The following MICAL2 variants were observed in gnomAD, a reference collection of about 807,000 sequenced individuals.
MICAL2 encodes [F-actin]-monooxygenase MICAL2.
In MICAL2, 77 loss-of-function variants were observed where a neutral mutation model predicts 127.3. That is an observed-to-expected ratio of 0.60 (90% CI 0.50 to 0.73). The LOEUF is 0.73. Among genes scored for constraint, MICAL2 ranks in the 30% least tolerant of loss-of-function variants. MICAL2 has a pLI of 0.00. For synonymous variants in MICAL2, 570 were observed against 551.1 expected (o/e 1.03, Z -0.48); for missense variants, 1,351 against 1,434.4 (o/e 0.94, Z 0.94).
chr11:12,348,595 G>A (rs749609868), intron 32 of MICAL2, among the ~76,000 whole-genome samples: 1 of 152,188 alleles, frequency 6.6e-6, no homozygotes, highest in Non-Finnish European at 1.5e-5. Flanking sequence ...AATTTTTATG[G>A]ATTTCTTGCT....
chr11:12,256,903 A>G lies in MICAL2; in HGVS notation c.3074A>G (p.Glu1025Gly). Residue 1025 changes from glutamate to glycine, a missense_variant, in exon 24 of 28, where the codon GAG becomes GGG. Glu to Gly is a moderately conservative substitution (Grantham distance 98). Coordinates refer to ENST00000683283, the MANE Select transcript of MICAL2 (RefSeq NM_001282663.2). ...GCCGAGGGCCACTTCTTCCACCGGGAGTGTTTCCGCTGCAGCATCTGTGCC... is the reference window on the plus strand; with the variant it reads ...GCCGAGGGCCACTTCTTCCACCGGGGGTGTTTCCGCTGCAGCATCTGTGCC... ...LSAEGHFFHR[E>G]CFRCSICATT... The G allele has an allele frequency of 6.2e-7, 1 of 1,614,094 alleles. No homozygotes were observed. The highest frequency in any genetic ancestry group is 1.1e-5 in the South Asian group (1 of 91,070).
At chr11:12,224,641 G>A in intron 12 of MICAL2, 32 bp from the exon 13 acceptor site, 1 of 1,604,470 alleles carries the variant, frequency 6.2e-7, no homozygotes, top group South Asian at 1.1e-5. Flanking sequence ...GATTCCTGCA[G>A]AGCCTCACTG....
intron 24 of MICAL2, 109 bp downstream of exon 24, chr11:12,257,080 A>C: frequency 3.4e-6 from 4 of 1,174,232 alleles, no homozygotes; most frequent in Non-Finnish European, 4.7e-6. Context: ...ACATACCCAA[A>C]AGGAAGTATG....
chr11:12,138,934 A>G (rs1389926815), intron 2 of MICAL2, among the ~76,000 whole-genome samples: 1 of 152,106 alleles, frequency 6.6e-6, no homozygotes, highest in African/African-American at 2.4e-5. Context: ...TGTTTATTTT[A>G]TAGACATGGA....
At chr11:12,180,985 T>C (rs2133948034) in intron 3 of MICAL2, among the ~76,000 whole-genome samples, 1 of 135,822 alleles carries the variant, frequency 7.4e-6, no homozygotes, top group Non-Finnish European at 1.5e-5. Flanking sequence ...TGGAGTGAAA[T>C]GGCGTGATCT....
downstream of MICAL2, among the ~76,000 whole-genome samples, chr11:12,290,640 A>G (rs1468005533): frequency 6.6e-6 from 1 of 152,176 alleles, no homozygotes; most frequent in Non-Finnish European, 1.5e-5. Context: ...GAGGCAGGCC[A>G]GCCGCCTCCC....
At chr11:12,136,422 G>C (rs1006125437) in intron 1 of MICAL2, among the ~76,000 whole-genome samples, 2 of 152,122 alleles carry the variant, frequency 1.3e-5, no homozygotes, top group Non-Finnish European at 2.9e-5. Context: ...AGGGTTGCTG[G>C]GAGGATTAGC....
intron 2 of MICAL2, among the ~76,000 whole-genome samples, chr11:12,156,316 T>C (rs1463793268): frequency 6.6e-6 from 1 of 152,128 alleles, no homozygotes; most frequent in African/African-American, 2.4e-5. Flanking sequence ...TCAGTGTGCA[T>C]GGAAAGGGGC....
chr11:12,246,554 G>T lies in MICAL2; in HGVS notation c.2784+2442G>T, dbSNP rs1860770044. Among the ~76,000 whole-genome samples, 4 of 152,352 alleles carry T rather than the reference G, an allele frequency of 2.6e-5. No homozygotes were observed. The South Asian group carries it at 8.3e-4, about 32-fold the overall frequency. ...TGCAAAAGGAGCTTTCTCCACCAAT[G>T]TCACTCCAAAAGCCAATGTGTGAAC... On this transcript the variant is annotated intron_variant, in intron 21 of 27. Transcript: ENST00000683283.
At chr11:12,331,578 G>A (rs1411486522) in intron 32 of MICAL2, among the ~76,000 whole-genome samples, 1 of 152,200 alleles carries the variant, frequency 6.6e-6, no homozygotes, top group Non-Finnish European at 1.5e-5. Flanking sequence ...TGCTGCTGAG[G>A]ACCCGAGGAA....
intron 8 of MICAL2, among the ~76,000 whole-genome samples, chr11:12,218,828 C>G (rs1030644188): frequency 6.6e-6 from 1 of 152,292 alleles, no homozygotes; most frequent in South Asian, 2.1e-4. Context: ...GCTGTAAATG[C>G]GGCACTCTGT....
At position 12,227,017 on chromosome 11, in the gene MICAL2, C is replaced by A; in HGVS notation, c.1889-8C>A. On this transcript the variant is annotated splice_polypyrimidine_tract_variant and splice_region_variant and intron_variant, in intron 14 of 27. Coordinates refer to ENST00000683283, the MANE Select transcript of MICAL2 (RefSeq NM_001282663.2). ...TCCAAATCACAGTTGCGCTTTATTT[C>A]CCAACAGATTCTTGGCGCAAAAACT... 1 of 1,609,992 alleles carries A rather than the reference C, an allele frequency of 6.2e-7. No individual in the cohort carries two copies.
chr11:12,338,805 A>T (rs1938811164), intron 32 of MICAL2, among the ~76,000 whole-genome samples: 1 of 152,164 alleles, frequency 6.6e-6, no homozygotes, highest in Non-Finnish European at 1.5e-5. Flanking sequence ...TGGCTTGTAG[A>T]GTTTCTGCGG....
intron 2 of MICAL2, among the ~76,000 whole-genome samples, chr11:12,286,332 C>A (rs894424046): frequency 6.6e-6 from 1 of 152,192 alleles, no homozygotes; most frequent in African/African-American, 2.4e-5. Flanking sequence ...TCAATCAGAG[C>A]AGCTCCAGTT....
At chr11:12,268,249 A>G (rs1863630631), downstream of MICAL2, among the ~76,000 whole-genome samples, 1 of 152,122 alleles carries the variant, frequency 6.6e-6, no homozygotes, top group African/African-American at 2.4e-5. Flanking sequence ...TTTTGCTTCT[A>G]TTTTGCCTTC....
chr11:12,228,808 T>C (rs1054005757), intron 15 of MICAL2, among the ~76,000 whole-genome samples: 1 of 152,076 alleles, frequency 6.6e-6, no homozygotes, highest in Non-Finnish European at 1.5e-5. Flanking sequence ...GGATGGCAAA[T>C]GTCAGAGTTC....
rs536278596 is a variant in MICAL2 at position 12,261,543 on chromosome 11, G to A, written c.3335-937G>A. ...GCCAGAGAAAGGCCATCTACGGTGC[G>A]CAGTGTATCTGGAGTTGCTGGGCCC... is the stretch of plus-strand genomic sequence containing the variant. On this transcript the variant is annotated intron_variant, in intron 26 of 27. Transcript: ENST00000683283. 107 of 985,506 alleles carry A rather than the reference G, an allele frequency of 1.1e-4. No individual in the cohort carries two copies. In the South Asian group the frequency reaches 3.3e-3, roughly 31 times the overall value. The allele number at this position is 985,506 out of a possible 1,614,324, so 61.0% of individuals were successfully genotyped here. A position where few individuals can be genotyped will look rare whatever the true frequency, so the allele number is the denominator to read the frequency against.
intron 10 of MICAL2, among the ~76,000 whole-genome samples, chr11:12,222,079 G>A (rs1333559388): frequency 6.6e-6 from 1 of 152,178 alleles, no homozygotes; most frequent in Non-Finnish European, 1.5e-5. Flanking sequence ...TTTATTTAAG[G>A]GAATCTTCCA....
At chr11:12,281,099 G>A (rs1467592055) in exon 2 of MICAL2, 10 of 398,838 alleles carry the variant, frequency 2.5e-5, no homozygotes, top group Middle Eastern at 6.2e-4. Flanking sequence ...AGCTGTGCAC[G>A]GTAAGCAGAG....
Sources: allele counts gnomAD v4.1 joint callset (sites outside exome capture counted in the v4.1 genomes callset), GRCh38; gene constraint gnomAD v4.1.1; transcripts MANE v1.5; gene names NCBI Gene and HGNC (gene_info 2026-07-23, HGNC 2026-07-21).